CNTRL: variants seen among roughly 807,000 people sequenced by gnomAD.
The protein encoded by CNTRL is 110 kDa centrosomal protein.
A neutral mutation model predicts 303.7 loss-of-function variants in CNTRL; 233 were observed. The observed-to-expected ratio is 0.77, with a 90% CI of 0.69 to 0.86. CNTRL has a LOEUF of 0.86. Ranked by LOEUF, CNTRL falls within the 40% of genes least tolerant of loss-of-function variation. CNTRL has a pLI of 0.00. For synonymous variants in CNTRL, 900 were observed against 922.2 expected (o/e 0.98, Z 0.44); for missense variants, 2,524 against 2,650.6 (o/e 0.95, Z 1.05).
At chr9:121,095,146 A>G (rs2048835169) in intron 5 of CNTRL, 128 bp downstream of exon 5, 12 of 685,370 alleles carry the variant, frequency 1.8e-5, no homozygotes, top group Middle Eastern at 6.9e-4. Flanking sequence ...TTTATTCATC[A>G]ATCAAATGAA....
At chr9:121,083,775 C>T (rs192392232) in intron 2 of CNTRL, among the ~76,000 whole-genome samples, 1 of 152,294 alleles carries the variant, frequency 6.6e-6, no homozygotes, top group East Asian at 1.9e-4. Flanking sequence ...TTTACACCAA[C>T]ATCACTACAA....
chr9:121,173,784 A>G, intron 42 of CNTRL, 47 bp downstream of exon 42: 1 of 1,539,458 alleles, frequency 6.5e-7, no homozygotes, highest in South Asian at 1.1e-5. Flanking sequence ...TACTGGGCAC[A>G]TTGGGGAGGG....
chr9:121,141,623 G>GT, intron 18 of CNTRL, 35 bp downstream of exon 18: 1 of 1,577,432 alleles, frequency 6.3e-7, no homozygotes, highest in Non-Finnish European at 8.7e-7. Context: ...GGAGGGAAGT[G>GT]TTTGGCAAAT....
rs371426173 is a variant in CNTRL at position 121,158,172 on chromosome 9, CAT to C, written c.4764+64_4764+65del. On this transcript the variant is annotated intron_variant, in intron 30 of 43. Coordinates refer to ENST00000373855, the MANE Select transcript of CNTRL (RefSeq NM_007018.6). ...GCACTTTATGATTATAAAAGTAATA[CAT>C]GTTTAATTGTAGAAAAGAATAAATG... 2.5e-4 allele frequency: 388 copies of C among 1,555,274 alleles called. 2 individuals carry two copies. The African/African-American group carries it at 4.6e-3, about 18-fold the overall frequency.
chr9:121,080,953 A>T (rs978595037), intron 2 of CNTRL, among the ~76,000 whole-genome samples: 2 of 152,246 alleles, frequency 1.3e-5, no homozygotes, highest in Admixed American at 1.3e-4. Flanking sequence ...AGAAAAAATT[A>T]TCCGTTTTTA....
At chr9:121,132,920 C>T (rs955079151) in intron 14 of CNTRL, among the ~76,000 whole-genome samples, 3 of 152,156 alleles carry the variant, frequency 2.0e-5, no homozygotes, top group Non-Finnish European at 4.4e-5. Context: ...TTGGAGTTTG[C>T]TAGAGGTCCA....
intron 21 of CNTRL, 128 bp downstream of exon 21, chr9:121,145,087 C>G: frequency 1.8e-6 from 2 of 1,112,040 alleles, no homozygotes; most frequent in Non-Finnish European, 2.6e-6. Context: ...ACTTTATCCT[C>G]TACTGTGTGC....
chr9:121,135,292 T>C (rs1449429814), intron 14 of CNTRL, among the ~76,000 whole-genome samples: 1 of 150,482 alleles, frequency 6.6e-6, no homozygotes, highest in Non-Finnish European at 1.5e-5. Context: ...GAGTATGGGC[T>C]TTGGAGTCGG....
At chr9:121,086,225 C>T (rs1253919526) in intron 2 of CNTRL, among the ~76,000 whole-genome samples, 1 of 152,076 alleles carries the variant, frequency 6.6e-6, no homozygotes, top group Non-Finnish European at 1.5e-5. Context: ...ATGCTAGACT[C>T]GGGAGACAGT....
chr9:121,090,659 AT>A (rs888824035), intron 4 of CNTRL, among the ~76,000 whole-genome samples: 1 of 152,196 alleles, frequency 6.6e-6, no homozygotes, highest in African/African-American at 2.4e-5. Context: ...CCAGCTATCT[AT>A]TTTTGTAAGT....
chr9:121,166,847 C>A (rs1564300304), intron 36 of CNTRL, among the ~76,000 whole-genome samples: 4 of 151,870 alleles, frequency 2.6e-5, no homozygotes, highest in African/African-American at 7.3e-5. Flanking sequence ...CATGGAGAAA[C>A]CCCATCTCTA....
rs1282403714 is a variant in CNTRL, at chr9:121,141,372, C to T, written c.2484-9C>T. On this transcript the variant is annotated splice_polypyrimidine_tract_variant and intron_variant, in intron 17 of 43. Transcript: ENST00000373855. The stretch of plus-strand genomic sequence containing the variant: ...TCACATTTATACCATTTTTCCCCCT[C>T]CTTACTAGCATCCATAGTCCTTCAG... 9.4e-6 allele frequency: 15 copies of T among 1,603,746 alleles called. No individual in the cohort carries two copies. The highest frequency in any genetic ancestry group is 1.3e-5 in the Non-Finnish European group (15 of 1,171,584).
chr9:121,112,222 C>T (rs755496344), intron 8 of CNTRL, among the ~76,000 whole-genome samples: 11 of 152,046 alleles, frequency 7.2e-5, no homozygotes, highest in Non-Finnish European at 1.2e-4. Flanking sequence ...TTCATTATAT[C>T]GTGAAGCAGC....
chr9:121,160,656 T>C (rs1447385445), intron 32 of CNTRL, among the ~76,000 whole-genome samples: 1 of 152,128 alleles, frequency 6.6e-6, no homozygotes, highest in Non-Finnish European at 1.5e-5. Context: ...AGGGCAAGTA[T>C]GTACATCGCA....
At chr9:121,082,005 T>C (rs2048159718) in intron 2 of CNTRL, among the ~76,000 whole-genome samples, 1 of 152,252 alleles carries the variant, frequency 6.6e-6, no homozygotes, top group African/African-American at 2.4e-5. Flanking sequence ...AAAGACACTC[T>C]TATCACTGTG....
chr9:121,177,482 A>G lies in CNTRL; in HGVS notation c.*296A>G. On this transcript the variant is annotated 3_prime_UTR_variant, in exon 44 of 44. Coordinates refer to ENST00000373855, the MANE Select transcript of CNTRL (RefSeq NM_007018.6). ...AACAGTGATTTTAACTGCATATTTG[A>G]ACCTACAAACTGGTAAATCTTATTA... 1 of 334,626 alleles carries G rather than the reference A, an allele frequency of 3.0e-6. No homozygotes were observed. The highest frequency in any genetic ancestry group is 5.4e-6 in the Non-Finnish European group (1 of 186,504). 20.7% of individuals were successfully genotyped at this position (334,626 alleles called of 1,614,324 possible).
At chr9:121,099,837 A>C (rs916035803) in intron 7 of CNTRL, among the ~76,000 whole-genome samples, 1 of 152,236 alleles carries the variant, frequency 6.6e-6, no homozygotes, top group African/African-American at 2.4e-5. Context: ...AATGAAATGA[A>C]GCCAGAAGAG....
At chr9:121,167,970 G>C in intron 37 of CNTRL, 126 bp from the exon 38 acceptor site, 3 of 836,208 alleles carry the variant, frequency 3.6e-6, no homozygotes, top group Non-Finnish European at 5.5e-6. Flanking sequence ...GATCACCTCT[G>C]TAATGGAATT....
intron 39 of CNTRL, among the ~76,000 whole-genome samples, chr9:121,170,838 A>G (rs10465139): frequency 0.021 from 3,149 of 152,290 alleles, 121 homozygotes; most frequent in East Asian, 0.19. Context: ...TCATTATCCT[A>G]AAACCAGGAA....
Sources: gnomAD v4.1 joint callset for allele counts (sites outside exome capture counted in the v4.1 genomes callset) on GRCh38, gnomAD v4.1.1 for gene constraint, MANE v1.5 for transcripts, NCBI Gene and HGNC (gene_info 2026-07-23, HGNC 2026-07-21) for gene names.